The following SKOR1 variants were observed in gnomAD, a reference collection of about 807,000 sequenced individuals.
The protein encoded by SKOR1 is LBX1 corepressor 1.
SKOR1 carries 38 observed loss-of-function variants against 72.4 expected under a neutral mutation model. The ratio of observed to expected loss-of-function variants is 0.52; its 90% confidence interval spans 0.40 to 0.69. The LOEUF (loss-of-function observed/expected upper bound fraction) is 0.69, where lower values mean the gene tolerates loss of function less well. Ranked by LOEUF, SKOR1 falls within the 30% of genes least tolerant of loss-of-function variation. The pLI is 0.00. For synonymous variants in SKOR1, 642 were observed against 599.4 expected (o/e 1.07, Z -1.04); for missense variants, 1,320 against 1,343.2 (o/e 0.98, Z 0.27).
Position 67,832,166 on chromosome 15 carries a change from G to C in SKOR1, c.2588-108G>C. On this transcript the variant is annotated intron_variant, in intron 5 of 8. Transcript: ENST00000380035. The surrounding 1 kb of genome is among the most constrained non-coding windows in gnomAD (Gnocchi z 4.5). Reference sequence around the variant, plus strand: ...GAGAGCGGAGGGCCTCCACCTACTGGTCATCCTTCTCAACTCTCCTTTCAG... The same window carrying C: ...GAGAGCGGAGGGCCTCCACCTACTGCTCATCCTTCTCAACTCTCCTTTCAG... The C allele has an allele frequency of 1.0e-6, 1 of 976,912 alleles. No individual in the cohort carries two copies. Among genetic ancestry groups the C allele is most frequent in the South Asian group, 1.4e-5 (1 of 69,476 alleles). The allele number at this position is 976,912 out of a possible 1,614,324, so 60.5% of individuals were successfully genotyped here. A position where few individuals can be genotyped will look rare whatever the true frequency, so the allele number is the denominator to read the frequency against.
In SKOR1 at chr15:67,834,569, C is replaced by T. The variant is rs1210306221; in HGVS notation, c.*733C>T. ...TAATAATAATAATAATAAAAGATGT[C>T]ACTTCTGGGGCTACGGAGGTGGGAG... On this transcript the variant is annotated 3_prime_UTR_variant, in exon 9 of 9. Transcript: ENST00000380035. The surrounding 1 kb of genome is among the most constrained non-coding windows in gnomAD (Gnocchi z 5.8). 1 of 150,780 alleles carries T rather than the reference C, an allele frequency of 6.6e-6. No individual in the cohort carries two copies. The highest frequency in any genetic ancestry group is 2.5e-5 in the African/African-American group (1 of 40,684). 9.3% of individuals were successfully genotyped at this position (150,780 alleles called of 1,614,324 possible).
chr15:67,827,361 G>GGCCGTGGCGGCA lies in SKOR1; in HGVS notation c.1545_1556dup (p.Val517_Ala520dup), dbSNP rs760140826. On this transcript the variant is annotated inframe_insertion, in exon 2 of 9. Coordinates refer to ENST00000380035, the MANE Select transcript of SKOR1 (RefSeq NM_001365915.1). ...ACCCCGCTGCTCAGAGCCAAGCCAA[G>GGCCGTGGCGGCA]GCCGTGGCGGCAGCCGTGGCGGCGG... 1 of 1,574,374 alleles carries GGCCGTGGCGGCA rather than the reference G, an allele frequency of 6.4e-7. No homozygotes were observed.
chr15:67,827,722 G>A lies in SKOR1; in HGVS notation c.1894G>A (p.Gly632Ser), dbSNP rs1381709529. ...RGPGPGAGSG[G>S]YVSPDFLSEG... ...GCCGGGACCCGGCGCTGGGAGCGGC[G>A]GCTACGTGAGCCCGGACTTTCTGAG... The change falls in exon 2 of 9, where the codon GGC (glycine) becomes AGC (serine). Residue 632 changes from glycine to serine, a missense_variant. Around this residue, in one of 3 missense-constraint regions of SKOR1, gnomAD observed 1,099 missense variants for 1,025.5 expected, o/e 1.07. Coordinates refer to ENST00000380035, the MANE Select transcript of SKOR1 (RefSeq NM_001365915.1). 6.5e-7 allele frequency: 1 copy of A among 1,544,056 alleles called. No homozygotes were observed.
At position 67,833,310 on chromosome 15, in the gene SKOR1, G is replaced by A; in HGVS notation, c.2803+53G>A. On this transcript the variant is annotated intron_variant, in intron 8 of 8. Coordinates refer to ENST00000380035, the MANE Select transcript of SKOR1 (RefSeq NM_001365915.1). This position sits in a 1 kb window ranked among gnomAD's most constrained non-coding sequence, Gnocchi z 6.0. ...AGGGGTGCTGGGTGCCGGCCGTGCT[G>A]TCGACTGAATGAATGAATAGTGGGA... 1 of 1,578,864 alleles carries A rather than the reference G, an allele frequency of 6.3e-7. No individual in the cohort carries two copies. The highest frequency in any genetic ancestry group is 8.7e-7 in the Non-Finnish European group (1 of 1,149,422).
chr15:67,828,535 G>C (rs565182929), intron 2 of SKOR1, among the ~76,000 whole-genome samples: 2 of 152,238 alleles, frequency 1.3e-5, no homozygotes, highest in Non-Finnish European at 1.5e-5. Context: ...AGAGCCCCAA[G>C]GAAGAGGAGA....
chr15:67,826,828 G>A lies in SKOR1; in HGVS notation c.1000G>A (p.Ala334Thr). 1 of 1,525,366 alleles carries A rather than the reference G, an allele frequency of 6.6e-7. No homozygotes were observed. The highest frequency in any genetic ancestry group is 1.4e-5 in the African/African-American group (1 of 72,696). The allele number at this position is 1,525,366 out of a possible 1,614,324, so 94.5% of individuals were successfully genotyped here. Residue 334 changes from alanine (A) to threonine (T), a missense_variant, in exon 2 of 9, where the codon GCC becomes ACC. By Grantham distance (58) the Ala-to-Thr change is moderately conservative (BLOSUM62 0). Coordinates refer to ENST00000380035, the MANE Select transcript of SKOR1 (RefSeq NM_001365915.1). Reference protein sequence around the residue: ...KSLRCGEDEAAGPPGPPPPHP... With the variant: ...KSLRCGEDEATGPPGPPPPHP... Reference sequence around the variant, plus strand: ...CCTGCGCTGTGGCGAAGATGAGGCTGCCGGGCCTCCGGGGCCACCTCCACC... The same window carrying A: ...CCTGCGCTGTGGCGAAGATGAGGCTACCGGGCCTCCGGGGCCACCTCCACC...
At position 67,827,091 on chromosome 15, in the gene SKOR1, C is replaced by T. The variant is rs1196544359; in HGVS notation, c.1263C>T (p.Gly421=). Residue 421 remains glycine (G), a synonymous_variant, in exon 2 of 9, where the codon GGC becomes GGT. Transcript: ENST00000380035. ...DPVLGAGEPK[G]GPGTGSGGGG... Reference sequence around the variant, plus strand: ...TTTTAGGCGCGGGCGAGCCAAAGGGCGGTCCTGGCACTGGGAGCGGCGGCG... The same window carrying T: ...TTTTAGGCGCGGGCGAGCCAAAGGGTGGTCCTGGCACTGGGAGCGGCGGCG... 1 of 1,501,480 alleles carries T rather than the reference C, an allele frequency of 6.7e-7. No individual in the cohort carries two copies. The highest frequency in any genetic ancestry group is 8.8e-7 in the Non-Finnish European group (1 of 1,132,794). 93.0% of individuals were successfully genotyped at this position (1,501,480 alleles called of 1,614,324 possible).
At position 67,834,197 on chromosome 15, in the gene SKOR1, A is replaced by T. The variant is rs2091030991; in HGVS notation, c.*361A>T. On this transcript the variant is annotated 3_prime_UTR_variant, in exon 9 of 9. Transcript: ENST00000380035. The surrounding 1 kb of genome is among the most constrained non-coding windows in gnomAD (Gnocchi z 5.8). ...ACCCGATTGTGAATACAATGTAGCA[A>T]CTTCGCTGGCGCCTGCCCCGCACTC... 1 of 333,792 alleles carries T rather than the reference A, an allele frequency of 3.0e-6. No homozygotes were observed. The highest frequency in any genetic ancestry group is 2.1e-5 in the African/African-American group (1 of 47,606). The allele number at this position is 333,792 out of a possible 1,614,324, so 20.7% of individuals were successfully genotyped here.
At position 67,826,242 on chromosome 15, in the gene SKOR1, G is replaced by C; in HGVS notation, c.414G>C (p.Leu138=). The C allele has an allele frequency of 1.2e-6, 2 of 1,613,036 alleles. No homozygotes were observed. The highest frequency in any genetic ancestry group is 1.7e-6 in the Non-Finnish European group (2 of 1,180,016). The change falls in exon 2 of 9, where the codon CTG becomes CTC. Residue 138 remains leucine, a synonymous_variant. Transcript: ENST00000380035. The part of the protein sequence containing the change: ...VQCTPVQLEI[L]RRAGAMPISS... ...GCACGCCGGTACAGCTGGAGATTCTGCGTCGGGCCGGGGCCATGCCCATCT... is the reference window on the plus strand; with the variant it reads ...GCACGCCGGTACAGCTGGAGATTCTCCGTCGGGCCGGGGCCATGCCCATCT...
chr15:67,826,854 C>A lies in SKOR1; in HGVS notation c.1026C>A (p.Pro342=). Residue 342 remains proline (P), a synonymous_variant, in exon 2 of 9, where the codon CCC becomes CCA. Coordinates refer to ENST00000380035, the MANE Select transcript of SKOR1 (RefSeq NM_001365915.1). ...EAAGPPGPPP[P]HPQRGLGLAT... is the part of the protein sequence containing the mutation. ...CCGGGCCTCCGGGGCCACCTCCACC[C>A]CACCCGCAGCGCGGACTTGGCCTGG... The A allele has an allele frequency of 6.5e-7, 1 of 1,529,056 alleles. No individual in the cohort carries two copies. The highest frequency in any genetic ancestry group is 8.8e-7 in the Non-Finnish European group (1 of 1,141,784). 94.7% of individuals were successfully genotyped at this position (1,529,056 alleles called of 1,614,324 possible).
Position 67,832,686 on chromosome 15 carries a change from G to A in SKOR1, c.2737+5G>A. ...AACAGCTGCAAATTGTCAGAGGTAA[G>A]ACGGGAGTCAGGTGAGCTCGTGCAC... On this transcript the variant is annotated splice_donor_5th_base_variant and intron_variant, in intron 7 of 8. Coordinates refer to ENST00000380035, the MANE Select transcript of SKOR1 (RefSeq NM_001365915.1). The surrounding 1 kb of genome is among the most constrained non-coding windows in gnomAD (Gnocchi z 4.5). The A allele has an allele frequency of 6.2e-7, 1 of 1,613,760 alleles. No individual in the cohort carries two copies. The highest frequency in any genetic ancestry group is 1.3e-5 in the African/African-American group (1 of 75,060).
rs551125810 is a variant in SKOR1 at position 67,827,361 on chromosome 15, G to A, written c.1533G>A (p.Lys511=). The A allele has an allele frequency of 4.8e-4, 751 of 1,574,494 alleles. 1 individual carries two copies. In the Middle Eastern group the frequency reaches 0.013, roughly 27 times the overall value. Residue 511 remains lysine, a synonymous_variant, in exon 2 of 9, where the codon AAG becomes AAA. Transcript: ENST00000380035. ...ACCCCGCTGCTCAGAGCCAAGCCAA[G>A]GCCGTGGCGGCAGCCGTGGCGGCGG... ...PSYPAAQSQA[K]AVAAAVAAAA... is the part of the protein sequence containing the mutation.
Position 67,830,302 on chromosome 15 carries a change from A to T in SKOR1, c.2515+4A>T. ...AGTCCTGCAAATACAGACAGAGGTG[A>T]GCCAGCCCTTGAACCCATCGCTCTC... On this transcript the variant is annotated splice_donor_region_variant and intron_variant, in intron 4 of 8. Coordinates refer to ENST00000380035, the MANE Select transcript of SKOR1 (RefSeq NM_001365915.1). The T allele has an allele frequency of 6.2e-7, 1 of 1,613,858 alleles. No homozygotes were observed. Among genetic ancestry groups the T allele is most frequent in the Non-Finnish European group, 8.5e-7 (1 of 1,179,740 alleles).
In SKOR1 at chr15:67,830,275, C is replaced by G. The variant is rs2090998855; in HGVS notation, c.2492C>G (p.Pro831Arg). The G allele has an allele frequency of 1.2e-6, 2 of 1,614,176 alleles. No homozygotes were observed. The highest frequency in any genetic ancestry group is 2.7e-5 in the African/African-American group (2 of 75,066). ...SYPDQRSISQ[P>R]SPANTDRGED... ...CCAGACCAAAGGAGTATCTCCCAGC[C>G]AAGTCCTGCAAATACAGACAGAGGT... The change falls in exon 4 of 9, where the codon CCA becomes CGA. Residue 831 changes from proline (P) to arginine (R), a missense_variant. Coordinates refer to ENST00000380035, the MANE Select transcript of SKOR1 (RefSeq NM_001365915.1).
chr15:67,831,037 A>G, intron 5 of SKOR1, 148 bp downstream of exon 5: 1 of 770,534 alleles, frequency 1.3e-6, no homozygotes, highest in Non-Finnish European at 2.2e-6. Context: ...TTTGGGTGGA[A>G]AGTAAGATCC....
rs570032975 is a variant in SKOR1 at position 67,832,444 on chromosome 15, A to G, written c.2662+96A>G. On this transcript the variant is annotated intron_variant, in intron 6 of 8. Coordinates refer to ENST00000380035, the MANE Select transcript of SKOR1 (RefSeq NM_001365915.1). This position sits in a 1 kb window ranked among gnomAD's most constrained non-coding sequence, Gnocchi z 4.5. ...GAAAGCCGGGTGCCAGGCAACTGGT[A>G]CTAGGTGCCCTGCAGGAGACAAGAA... 6.4e-6 allele frequency: 9 copies of G among 1,408,664 alleles called. No homozygotes were observed. Among genetic ancestry groups the G allele is most frequent in the Admixed American group, 5.2e-5 (3 of 58,072 alleles). The allele number at this position is 1,408,664 out of a possible 1,614,324, so 87.3% of individuals were successfully genotyped here.
chr15:67,830,206 A>G lies in SKOR1; in HGVS notation c.2423A>G (p.Asp808Gly). The G allele has an allele frequency of 1.2e-6, 2 of 1,614,178 alleles. No individual in the cohort carries two copies. Among genetic ancestry groups the G allele is most frequent in the Non-Finnish European group, 1.7e-6 (2 of 1,180,026 alleles). ...TPEAHEPDKE[D>G]NHSPADDLET... is the part of the protein sequence containing the mutation. ...TGCCTTCAAGAGCCAGATAAGGAAG[A>G]CAATCACTCGCCCGCCGATGATTTG... The change falls in exon 4 of 9, where the codon GAC (aspartate) becomes GGC (glycine). Residue 808 changes from aspartate (D) to glycine (G), a missense_variant. Transcript: ENST00000380035.
chr15:67,828,845 C>T (rs1382438447), intron 2 of SKOR1, among the ~76,000 whole-genome samples: 1 of 152,182 alleles, frequency 6.6e-6, no homozygotes, highest in African/African-American at 2.4e-5. Context: ...TAACCGGATG[C>T]GAAAGGCGTC....
Position 67,833,667 on chromosome 15 carries a change from AG to A in SKOR1, c.2804-71del, listed in dbSNP as rs973927205. The A allele has an allele frequency of 1.9e-5, 27 of 1,456,080 alleles. No individual in the cohort carries two copies. In the African/African-American group the frequency reaches 2.5e-4, roughly 14 times the overall value. The allele number at this position is 1,456,080 out of a possible 1,614,324, so 90.2% of individuals were successfully genotyped here. A position where few individuals can be genotyped will look rare whatever the true frequency, so the allele number is the denominator to read the frequency against. On this transcript the variant is annotated intron_variant, in intron 8 of 8. Coordinates refer to ENST00000380035, the MANE Select transcript of SKOR1 (RefSeq NM_001365915.1). This position sits in a 1 kb window ranked among gnomAD's most constrained non-coding sequence, Gnocchi z 6.0. ...CCCCAAAGGGTTGGTAAGGCCGGGG[AG>A]GGGAAAGGGTGGACTGCGCGGTGAG...
Sources: allele counts gnomAD v4.1 joint callset (sites outside exome capture counted in the v4.1 genomes callset), GRCh38; gene constraint gnomAD v4.1.1; regional missense constraint gnomAD v4.1.1; non-coding constraint Gnocchi (gnomAD v3.1); transcripts MANE v1.5; gene names NCBI Gene and HGNC (gene_info 2026-07-23, HGNC 2026-07-21).